Variants in EFNB3 observed in about 807,000 individuals in gnomAD.
EFNB3 encodes ephrin B3.
A neutral mutation model predicts 29.8 loss-of-function variants in EFNB3; 14 were observed. That is an observed-to-expected ratio of 0.47 (90% CI 0.31 to 0.73). The LOEUF (loss-of-function observed/expected upper bound fraction) is 0.73. Among genes scored for constraint, EFNB3 ranks in the 30% least tolerant of loss-of-function variants. The probability of loss-of-function intolerance (pLI) is 0.05; values close to 1 mark genes in which losing one functional copy is unlikely to be tolerated. For synonymous variants in EFNB3, 216 were observed against 191.6 expected (o/e 1.13, Z -1.05); for missense variants, 408 against 458.0 (o/e 0.89, Z 1.00).
chr17:7,708,268 G>A lies in EFNB3; in HGVS notation c.415+18G>A, dbSNP rs1488257009. ...CATCATTGGTACTGCTGGGCAGAGG[G>A]CACGATTGAGTGGGGGGCTCCTGAT... On this transcript the variant is annotated intron_variant, in intron 2 of 4. Coordinates refer to ENST00000226091, the MANE Select transcript of EFNB3 (RefSeq NM_001406.4). The surrounding 1 kb of genome is among the most constrained non-coding windows in gnomAD (Gnocchi z 6.8). 6.2e-7 allele frequency: 1 copy of A among 1,605,384 alleles called. No individual in the cohort carries two copies. The highest frequency in any genetic ancestry group is 1.7e-4 in the Middle Eastern group (1 of 6,032).
At position 7,707,964 on chromosome 17, in the gene EFNB3, G is replaced by A. The variant is rs2074333002; in HGVS notation, c.129G>A (p.Gln43=). The A allele has an allele frequency of 6.2e-7, 1 of 1,610,790 alleles. No individual in the cohort carries two copies. The highest frequency in any genetic ancestry group is 8.5e-7 in the Non-Finnish European group (1 of 1,177,974). ...VYWNSANKRF[Q]AEGGYVLYPQ... ...CTTACCCTCCTCCCCATAGGTTCCAGGCAGAGGGTGGTTATGTGCTGTACC... is the reference window on the plus strand; with the variant it reads ...CTTACCCTCCTCCCCATAGGTTCCAAGCAGAGGGTGGTTATGTGCTGTACC... The change falls in exon 2 of 5, where the codon CAG becomes CAA. Residue 43 remains glutamine, a synonymous_variant. Coordinates refer to ENST00000226091, the MANE Select transcript of EFNB3 (RefSeq NM_001406.4).
rs1195369200 is a variant in EFNB3 at position 7,710,127 on chromosome 17, C to A, written c.*551C>A. 5.4e-6 allele frequency: 1 copy of A among 184,010 alleles called. No individual in the cohort carries two copies. The highest frequency in any genetic ancestry group is 1.1e-5 in the Non-Finnish European group (1 of 89,836). The allele number at this position is 184,010 out of a possible 1,614,324, so 11.4% of individuals were successfully genotyped here. A position where few individuals can be genotyped will look rare whatever the true frequency, so the allele number is the denominator to read the frequency against. ...ATTTCTCCCCTTAGCTTTCAGCCCC[C>A]CTTCTGACCTCTCATACCAACCACT... is the stretch of plus-strand genomic sequence containing the variant. On this transcript the variant is annotated 3_prime_UTR_variant, in exon 5 of 5. Coordinates refer to ENST00000226091, the MANE Select transcript of EFNB3 (RefSeq NM_001406.4).
chr17:7,707,366 C>G (rs763496062), intron 1 of EFNB3, among the ~76,000 whole-genome samples: 2 of 152,154 alleles, frequency 1.3e-5, no homozygotes, highest in Non-Finnish European at 2.9e-5. Context: ...GTTCCTAGAC[C>G]CTGGTTCCCA....
intron 1 of EFNB3, among the ~76,000 whole-genome samples, chr17:7,707,304 A>G (rs773841740): frequency 6.6e-5 from 10 of 152,178 alleles, no homozygotes; most frequent in Non-Finnish European, 7.3e-5. Context: ...CTTGCCCCAG[A>G]AGTCTAAGAC....
rs12451095 is a variant in EFNB3, at chr17:7,708,807, C to A, written c.613+68C>A. 2.9e-6 allele frequency: 4 copies of A among 1,373,562 alleles called. No homozygotes were observed. The South Asian group carries it at 5.7e-5, about 20-fold the overall frequency. The allele number at this position is 1,373,562 out of a possible 1,614,324, so 85.1% of individuals were successfully genotyped here. On this transcript the variant is annotated intron_variant, in intron 4 of 4. Transcript: ENST00000226091. This position sits in a 1 kb window ranked among gnomAD's most constrained non-coding sequence, Gnocchi z 6.8. ...TGCTCTCAGACCCCAGCTGCCCTGC[C>A]GTCACCCTCCCTCCCTCTTCAGTTT...
At position 7,705,402 on chromosome 17, in the gene EFNB3, C is replaced by T; in HGVS notation, c.-197C>T. 2.3e-6 allele frequency: 1 copy of T among 426,168 alleles called. No individual in the cohort carries two copies. Among genetic ancestry groups the T allele is most frequent in the Non-Finnish European group, 4.1e-6 (1 of 242,534 alleles). 26.4% of individuals were successfully genotyped at this position (426,168 alleles called of 1,614,324 possible). A position where few individuals can be genotyped will look rare whatever the true frequency, so the allele number is the denominator to read the frequency against. Reference sequence around the variant, plus strand: ...GGCGCGTAGGGCGCCTGCAGACGGCCCCTGGAAGGGCTCTGGTGGGGCTGA... The same window carrying T: ...GGCGCGTAGGGCGCCTGCAGACGGCTCCTGGAAGGGCTCTGGTGGGGCTGA... On this transcript the variant is annotated 5_prime_UTR_variant, in exon 1 of 5. Transcript: ENST00000226091. The surrounding 1 kb of genome is among the most constrained non-coding windows in gnomAD (Gnocchi z 5.4).
chr17:7,706,202 C>T (rs752727623), intron 1 of EFNB3, among the ~76,000 whole-genome samples: 1 of 150,704 alleles, frequency 6.6e-6, no homozygotes, highest in Non-Finnish European at 1.5e-5. Context: ...GACAACTTCC[C>T]CAAGGCTCCT....
chr17:7,709,210 C>T lies in EFNB3; in HGVS notation c.657C>T (p.Pro219=), dbSNP rs1429004419. ...CAACCTCCCGGGGTGCTGAAGGCCC[C>T]CTGCCCCCTCCCAGCATGCCTGCAG... ...SNATSRGAEG[P]LPPPSMPAVA... Residue 219 remains proline (P), a synonymous_variant, in exon 5 of 5, where the codon CCC becomes CCT. Coordinates refer to ENST00000226091, the MANE Select transcript of EFNB3 (RefSeq NM_001406.4). The surrounding 1 kb of genome is among the most constrained non-coding windows in gnomAD (Gnocchi z 4.5). 1.2e-6 allele frequency: 2 copies of T among 1,603,724 alleles called. No homozygotes were observed. Among genetic ancestry groups the T allele is most frequent in the Non-Finnish European group, 1.7e-6 (2 of 1,178,120 alleles).
At position 7,709,208 on chromosome 17, in the gene EFNB3, C is replaced by T. The variant is rs758749640; in HGVS notation, c.655C>T (p.Pro219Ser). 3 of 1,603,802 alleles carry T rather than the reference C, an allele frequency of 1.9e-6. No individual in the cohort carries two copies. Among genetic ancestry groups the T allele is most frequent in the South Asian group, 1.1e-5 (1 of 90,594 alleles). The change falls in exon 5 of 5, where the codon CCC becomes TCC. Residue 219 changes from proline to serine, a missense_variant. By Grantham distance (74) the Pro-to-Ser change is moderately conservative (BLOSUM62 -1). Transcript: ENST00000226091. The surrounding 1 kb of genome is among the most constrained non-coding windows in gnomAD (Gnocchi z 4.5). ...TGCAACCTCCCGGGGTGCTGAAGGCCCCCTGCCCCCTCCCAGCATGCCTGC... is the reference window on the plus strand; with the variant it reads ...TGCAACCTCCCGGGGTGCTGAAGGCTCCCTGCCCCCTCCCAGCATGCCTGC... ...SNATSRGAEG[P>S]LPPPSMPAVA...
Position 7,708,468 on chromosome 17 carries a change from G to A in EFNB3, c.449G>A (p.Ser150Asn). ...GATGGGACCCGGGAGGGCCTGGAGAGCCTGCAGGGAGGTGTGTGCCTAACC... is the reference window on the plus strand; with the variant it reads ...GATGGGACCCGGGAGGGCCTGGAGAACCTGCAGGGAGGTGTGTGCCTAACC... ...TSDGTREGLE[S>N]LQGGVCLTRG... is the part of the protein sequence containing the mutation. Residue 150 changes from serine (S) to asparagine (N), a missense_variant, in exon 3 of 5, where the codon AGC becomes AAC. Physicochemically the swap from Ser to Asn is conservative, Grantham distance 46. Transcript: ENST00000226091. This position sits in a 1 kb window ranked among gnomAD's most constrained non-coding sequence, Gnocchi z 6.8. 5 of 1,613,908 alleles carry A rather than the reference G, an allele frequency of 3.1e-6. No individual in the cohort carries two copies. Among genetic ancestry groups the A allele is most frequent in the East Asian group, 4.5e-5 (2 of 44,882 alleles).
intron 1 of EFNB3, among the ~76,000 whole-genome samples, chr17:7,707,080 G>C (rs1017639665): frequency 4.6e-5 from 7 of 152,108 alleles, no homozygotes; most frequent in African/African-American, 1.7e-4. Flanking sequence ...GGGACACTTG[G>C]GAGTCTGGGA....
Position 7,708,750 on chromosome 17 carries a change from GGGGCTAGGCCCCTGCCTT to G in EFNB3, c.613+12_613+29del, listed in dbSNP as rs763244345. 7.2e-5 allele frequency: 111 copies of G among 1,546,990 alleles called. No individual in the cohort carries two copies. The South Asian group carries it at 1.2e-3, about 17-fold the overall frequency. On this transcript the variant is annotated intron_variant, in intron 4 of 4. Coordinates refer to ENST00000226091, the MANE Select transcript of EFNB3 (RefSeq NM_001406.4). This position sits in a 1 kb window ranked among gnomAD's most constrained non-coding sequence, Gnocchi z 6.8. Reference sequence around the variant, plus strand: ...AGGAGAACCTGCCAGGTAGGAACCAGGGGCTAGGCCCCTGCCTTCCCCAGCTTCCTCTGCTCTCAGACC... The same window carrying G: ...AGGAGAACCTGCCAGGTAGGAACCAGCCCCAGCTTCCTCTGCTCTCAGACC...
chr17:7,708,790 G>C lies in EFNB3; in HGVS notation c.613+51G>C. On this transcript the variant is annotated intron_variant, in intron 4 of 4. Transcript: ENST00000226091. The surrounding 1 kb of genome is among the most constrained non-coding windows in gnomAD (Gnocchi z 6.8). ...CCTTCCCCAGCTTCCTCTGCTCTCA[G>C]ACCCCAGCTGCCCTGCCGTCACCCT... The C allele has an allele frequency of 6.8e-7, 1 of 1,460,386 alleles. No individual in the cohort carries two copies. The highest frequency in any genetic ancestry group is 9.1e-7 in the Non-Finnish European group (1 of 1,095,240). The allele number at this position is 1,460,386 out of a possible 1,614,324, so 90.5% of individuals were successfully genotyped here. A position where few individuals can be genotyped will look rare whatever the true frequency, so the allele number is the denominator to read the frequency against.
rs2151100058 is a variant in EFNB3 at position 7,710,262 on chromosome 17, C to T, written c.*686C>T. 1 of 155,660 alleles carries T rather than the reference C, an allele frequency of 6.4e-6. No individual in the cohort carries two copies. The highest frequency in any genetic ancestry group is 1.9e-4 in the East Asian group (1 of 5,176). The allele number at this position is 155,660 out of a possible 1,614,324, so 9.6% of individuals were successfully genotyped here. ...TTCTCTGGCCTGGCCCAGGCCTCTA[C>T]ATACTTACTCCAGCCATTTGGGGTG... On this transcript the variant is annotated 3_prime_UTR_variant, in exon 5 of 5. Transcript: ENST00000226091.
At chr17:7,706,343 C>T (rs2151099044) in intron 1 of EFNB3, among the ~76,000 whole-genome samples, 1 of 152,214 alleles carries the variant, frequency 6.6e-6, no homozygotes, top group East Asian at 1.9e-4. Flanking sequence ...TGGAAGAAGC[C>T]TGGAGCCCCC....
Position 7,708,873 on chromosome 17 carries a change from A to G in EFNB3, c.613+134A>G, listed in dbSNP as rs548123301. Reference sequence around the variant, plus strand: ...AGGAAAGAGGAGAAGAGAGGATGGGAGGGTGGGAGGGGAATGGAAACCAAA... The same window carrying G: ...AGGAAAGAGGAGAAGAGAGGATGGGGGGGTGGGAGGGGAATGGAAACCAAA... On this transcript the variant is annotated intron_variant, in intron 4 of 4. Coordinates refer to ENST00000226091, the MANE Select transcript of EFNB3 (RefSeq NM_001406.4). This position sits in a 1 kb window ranked among gnomAD's most constrained non-coding sequence, Gnocchi z 6.8. 1.7e-4 allele frequency: 73 copies of G among 425,144 alleles called. 1 individual carries two copies. Among genetic ancestry groups the G allele is most frequent in the South Asian group, 1.4e-3 (67 of 47,348 alleles). 26.3% of individuals were successfully genotyped at this position (425,144 alleles called of 1,614,324 possible).
chr17:7,709,133 C>A lies in EFNB3; in HGVS notation c.614-34C>A, dbSNP rs774475041. ...TGCCCAGGTGGCTCCTTCAGTCCCT[C>A]CCCCTCTTTCCTCCTTCACCCCTTC... On this transcript the variant is annotated intron_variant, in intron 4 of 4. Transcript: ENST00000226091. The surrounding 1 kb of genome is among the most constrained non-coding windows in gnomAD (Gnocchi z 4.5). 1 of 1,586,698 alleles carries A rather than the reference C, an allele frequency of 6.3e-7. No individual in the cohort carries two copies. Among genetic ancestry groups the A allele is most frequent in the African/African-American group, 1.4e-5 (1 of 74,008 alleles).
At position 7,707,985 on chromosome 17, in the gene EFNB3, G is replaced by A; in HGVS notation, c.150G>A (p.Leu50=). The A allele has an allele frequency of 1.2e-6, 2 of 1,613,790 alleles. No individual in the cohort carries two copies. The highest frequency in any genetic ancestry group is 1.1e-5 in the South Asian group (1 of 91,068). The change falls in exon 2 of 5, where the codon CTG becomes CTA. Residue 50 remains leucine (L), a synonymous_variant. Transcript: ENST00000226091. ...KRFQAEGGYV[L]YPQIGDRLDL... The stretch of plus-strand genomic sequence containing the variant: ...TCCAGGCAGAGGGTGGTTATGTGCT[G>A]TACCCTCAGATCGGGGACCGGCTAG...
At chr17:7,706,048 C>A (rs1422926836) in intron 1 of EFNB3, among the ~76,000 whole-genome samples, 1 of 151,114 alleles carries the variant, frequency 6.6e-6, no homozygotes, top group East Asian at 2.0e-4. Flanking sequence ...TGGAGGGAGC[C>A]TGGTTACTGT....
Sources: gnomAD v4.1 joint callset for allele counts (sites outside exome capture counted in the v4.1 genomes callset) on GRCh38, gnomAD v4.1.1 for gene constraint, Gnocchi (gnomAD v3.1) non-coding constraint, MANE v1.5 for transcripts, NCBI Gene and HGNC (gene_info 2026-07-23, HGNC 2026-07-21) for gene names.